SCIN: variants seen among roughly 807,000 people sequenced by gnomAD.
SCIN encodes scinderin.
In SCIN, 91 loss-of-function variants were observed where a neutral mutation model predicts 91.8. The observed-to-expected ratio is 0.99, with a 90% CI of 0.84 to 1.18. The LOEUF is 1.18. SCIN is among the 50% of genes most tolerant of loss of function. The pLI, the probability that SCIN is intolerant of heterozygous loss-of-function variation, is 0.00. For missense variants in SCIN, 1,087 were observed against 863.9 expected (o/e 1.26, Z -3.24); for synonymous variants, 367 against 312.6 (o/e 1.17, Z -1.84).
In SCIN at chr7:12,626,685, C is replaced by T; in HGVS notation, c.1083C>T (p.Val361=). 2 of 1,581,560 alleles carry T rather than the reference C, an allele frequency of 1.3e-6. No individual in the cohort carries two copies. Among genetic ancestry groups the T allele is most frequent in the Non-Finnish European group, 1.7e-6 (2 of 1,162,972 alleles). The change falls in exon 8 of 16, where the codon GTC becomes GTT. Residue 361 remains valine, a synonymous_variant. Transcript: ENST00000297029. ...GTGATGGCTTCGGGAAAGTTTATGT[C>T]ACAGAGAAAGTGGCTCAAATAAAAC... is the stretch of plus-strand genomic sequence containing the variant. ...DQSDGFGKVY[V]TEKVAQIKQI... is the part of the protein sequence containing the mutation.
intron 1 of SCIN, 189 bp downstream of exon 1, chr7:12,571,174 C>T: frequency 1.6e-6 from 1 of 634,440 alleles, no homozygotes; most frequent in South Asian, 2.1e-5. Context: ...GCTGCAAACG[C>T]GGGGCTCAGG....
chr7:12,594,948 G>A (rs1360185789), intron 3 of SCIN, among the ~76,000 whole-genome samples: 3 of 152,126 alleles, frequency 2.0e-5, no homozygotes, highest in African/African-American at 4.8e-5. Flanking sequence ...GATGGTGGAT[G>A]AGGTGGCCAA....
chr7:12,593,750 G>A (rs1782777077), intron 3 of SCIN, among the ~76,000 whole-genome samples: 1 of 152,102 alleles, frequency 6.6e-6, no homozygotes, highest in South Asian at 2.1e-4. Flanking sequence ...CACTTGGCCA[G>A]GGTCTGTGGG....
intron 3 of SCIN, among the ~76,000 whole-genome samples, chr7:12,597,685 G>GT (rs1189925912): frequency 2.0e-5 from 3 of 152,284 alleles, no homozygotes; most frequent in Admixed American, 2.0e-4. Context: ...CCCAAATGTG[G>GT]TTGTTTCTAT....
rs947635599 is a variant in SCIN at position 12,635,953 on chromosome 7, T to C, written c.1320-92T>C. 1.6e-5 allele frequency: 15 copies of C among 909,642 alleles called. No homozygotes were observed. In the East Asian group the frequency reaches 3.7e-4, roughly 22 times the overall value. The allele number at this position is 909,642 out of a possible 1,614,324, so 56.3% of individuals were successfully genotyped here. The stretch of plus-strand genomic sequence containing the variant: ...TAAAACAGTTCGCTTCTTCTTGATC[T>C]TTCATAATAACTTGTCTCTGCTTGC... On this transcript the variant is annotated intron_variant, in intron 9 of 15. Transcript: ENST00000297029.
At chr7:12,609,677 T>A (rs2115256615) in intron 4 of SCIN, among the ~76,000 whole-genome samples, 1 of 152,332 alleles carries the variant, frequency 6.6e-6, no homozygotes, top group African/African-American at 2.4e-5. Context: ...AAAGACTTTT[T>A]AAATATAGTT....
rs1490382874 is a variant in SCIN, at chr7:12,625,002, T to C, written c.760-8T>C. On this transcript the variant is annotated splice_polypyrimidine_tract_variant and splice_region_variant and intron_variant, in intron 5 of 15. Transcript: ENST00000297029. ...ATGAAAACATGGAGGTCATGGTTTT[T>C]ATATTAGGTTTCAGATGCAAGTGGC... The C allele has an allele frequency of 6.4e-7, 1 of 1,551,370 alleles. No individual in the cohort carries two copies. Among genetic ancestry groups the C allele is most frequent in the East Asian group, 2.4e-5 (1 of 41,192 alleles).
In SCIN at chr7:12,626,736, A is replaced by G; in HGVS notation, c.1134A>G (p.Leu378=). Residue 378 remains leucine, a synonymous_variant, in exon 8 of 16, where the codon TTA becomes TTG. Transcript: ENST00000297029. ...IKQIPFDASK[L]HSSPQMAAQH... The stretch of plus-strand genomic sequence containing the variant: ...AAATTCCCTTTGATGCCTCAAAATT[A>G]CACAGTTCTCCGCAGATGGCAGCCC... 1 of 1,609,926 alleles carries G rather than the reference A, an allele frequency of 6.2e-7. No homozygotes were observed. The highest frequency in any genetic ancestry group is 1.1e-5 in the South Asian group (1 of 89,976).
rs1432618611 is a variant in SCIN at position 12,644,705 on chromosome 7, TGTAA to T, written c.1881+3_1881+6del. 9.0e-6 allele frequency: 14 copies of T among 1,556,518 alleles called. No individual in the cohort carries two copies. Among genetic ancestry groups the T allele is most frequent in the African/African-American group, 2.7e-5 (2 of 73,264 alleles). On this transcript the variant is annotated splice_donor_variant and splice_donor_region_variant and intron_variant, in intron 13 of 15. Transcript: ENST00000297029. LOFTEE classifies it high-confidence loss of function. ...GCTCTAACAAAACTGGAAGATTTGT[TGTAA>T]GTGTCCTTAAAAATAGTGCGATAGG...
At chr7:12,622,326 G>T (rs1016243525) in intron 4 of SCIN, among the ~76,000 whole-genome samples, 1 of 152,080 alleles carries the variant, frequency 6.6e-6, no homozygotes, top group Non-Finnish European at 1.5e-5. Context: ...GGGTGATCAA[G>T]AGCTTGCACT....
intron 4 of SCIN, 52 bp downstream of exon 4, chr7:12,604,715 G>T: frequency 1.4e-6 from 2 of 1,398,794 alleles, no homozygotes; most frequent in Non-Finnish European, 1.9e-6. Context: ...ACTCGTATGT[G>T]TCTGTGTGGT....
At chr7:12,642,821 T>C (rs998456723) in intron 11 of SCIN, among the ~76,000 whole-genome samples, 1 of 151,962 alleles carries the variant, frequency 6.6e-6, no homozygotes, top group Non-Finnish European at 1.5e-5. Context: ...GCTAGTTTGC[T>C]GCGTTTTCCT....
At chr7:12,646,367 G>A (rs1380747603) in intron 13 of SCIN, among the ~76,000 whole-genome samples, 1 of 152,190 alleles carries the variant, frequency 6.6e-6, no homozygotes, top group Non-Finnish European at 1.5e-5. Flanking sequence ...ATGGCCAAGA[G>A]AGCAAGCTCT....
chr7:12,657,211 A>ATTGTTTT lies in SCIN; in HGVS notation c.*4498_*4499insGTTTTTT, dbSNP rs1784177942. The ATTGTTTT allele has an allele frequency of 1.2e-5, 1 of 82,544 alleles. No homozygotes were observed. The highest frequency in any genetic ancestry group is 2.3e-5 in the Non-Finnish European group (1 of 43,592). The allele number at this position is 82,544 out of a possible 1,614,324, so 5.1% of individuals were successfully genotyped here. A position where few individuals can be genotyped will look rare whatever the true frequency, so the allele number is the denominator to read the frequency against. ...TGTGTGTACTAAAGGATATAATATG[A>ATTGTTTT]TTTTTTTTTTTTTTTTTTTTTTTTT... is the stretch of plus-strand genomic sequence containing the variant. On this transcript the variant is annotated 3_prime_UTR_variant, in exon 16 of 16. Transcript: ENST00000297029.
Position 12,618,699 on chromosome 7 carries a change from A to G in SCIN, c.667-4102A>G, listed in dbSNP as rs116385874. Among the ~76,000 whole-genome samples, 539 of 152,264 alleles carry G rather than the reference A, an allele frequency of 3.5e-3. 9 individuals carry two copies. The highest frequency in any genetic ancestry group is 0.012 in the African/African-American group (518 of 41,558). The stretch of plus-strand genomic sequence containing the variant: ...AAAATGCCTTGCAGCAAGTAAATAT[A>G]CCATAACAACAAGGATTAGCTTCAC... On this transcript the variant is annotated intron_variant, in intron 4 of 15. Transcript: ENST00000297029.
intron 15 of SCIN, 44 bp from the exon 16 acceptor site, chr7:12,652,544 A>T (rs1784101295): frequency 6.3e-7 from 1 of 1,580,614 alleles, no homozygotes; most frequent in Non-Finnish European, 8.6e-7. Flanking sequence ...ACTTTAGTTT[A>T]ACCCAAACTA....
intron 11 of SCIN, among the ~76,000 whole-genome samples, chr7:12,642,306 T>C (rs1404828309): frequency 6.6e-6 from 1 of 152,120 alleles, no homozygotes; most frequent in South Asian, 2.1e-4. Context: ...CATTTCTATT[T>C]CATCATGATT....
chr7:12,642,220 A>G (rs371373175), intron 11 of SCIN, among the ~76,000 whole-genome samples: 1 of 151,998 alleles, frequency 6.6e-6, no homozygotes, highest in African/African-American at 2.4e-5. Context: ...CTGGCCACCA[A>G]CTTCTGTCCG....
At chr7:12,575,788 G>A (rs1782357829) in intron 1 of SCIN, among the ~76,000 whole-genome samples, 1 of 152,094 alleles carries the variant, frequency 6.6e-6, no homozygotes, top group African/African-American at 2.4e-5. Context: ...TGATTCTTAA[G>A]CAGACTTTAT....
Sources: allele counts gnomAD v4.1 joint callset (sites outside exome capture counted in the v4.1 genomes callset), GRCh38; gene constraint gnomAD v4.1.1; transcripts MANE v1.5; gene names NCBI Gene and HGNC (gene_info 2026-07-23, HGNC 2026-07-21).